The following PSD3 variants were observed in gnomAD, a reference collection of about 807,000 sequenced individuals.
PSD3 encodes pleckstrin and Sec7 domain containing 3, also known as PH and SEC7 domain-containing protein 3.
In PSD3, 49 loss-of-function variants were observed where a neutral mutation model predicts 105.5. The ratio of observed to expected loss-of-function variants is 0.46; its 90% CI spans 0.37 to 0.59. The LOEUF is 0.59. Ranked by LOEUF, PSD3 falls within the 20% of genes least tolerant of loss-of-function variation. The pLI is 0.00. For missense variants in PSD3, 1,561 were observed against 1,263.8 expected (o/e 1.24, Z -3.57); for synonymous variants, 557 against 457.8 (o/e 1.22, Z -2.77).
At position 18,769,879 on chromosome 8, in the gene PSD3, A is replaced by G. The variant is rs1807347784; in HGVS notation, c.2083-4341T>C. 3.3e-5 allele frequency among the ~76,000 whole-genome samples: 5 copies of G among 152,218 alleles called. No individual in the cohort carries two copies. In the South Asian group the frequency reaches 1.0e-3, roughly 31 times the overall value. On this transcript the variant is annotated intron_variant, in intron 8 of 15. Transcript: ENST00000327040. ...ATACCAATTGTGTTTCTTCATTTAT[A>G]AATTGATGAATGTTTAGACTATTTT...
At chr8:18,623,051 T>C (rs1056678841) in intron 11 of PSD3, among the ~76,000 whole-genome samples, 5 of 152,152 alleles carry the variant, frequency 3.3e-5, no homozygotes, top group Non-Finnish European at 7.3e-5. Context: ...TCAATTTTCA[T>C]TCAAAAAATC....
At chr8:19,066,974 T>C (rs1242971296) in intron 1 of PSD3, among the ~76,000 whole-genome samples, 1 of 152,200 alleles carries the variant, frequency 6.6e-6, no homozygotes, top group Non-Finnish European at 1.5e-5. Flanking sequence ...AGTCAGATTA[T>C]AAACACCTCA....
intron 4 of PSD3, among the ~76,000 whole-genome samples, chr8:18,819,779 G>A (rs764134523): frequency 3.9e-5 from 6 of 151,912 alleles, no homozygotes; most frequent in East Asian, 1.9e-4. Context: ...GGGTTTCACC[G>A]TGTTGGCCAG....
At chr8:18,714,191 G>C (rs1802431229) in intron 9 of PSD3, among the ~76,000 whole-genome samples, 1 of 152,062 alleles carries the variant, frequency 6.6e-6, no homozygotes, top group African/African-American at 2.4e-5. Flanking sequence ...AGAAAATCTA[G>C]GCAATACCAT....
intron 2 of PSD3, among the ~76,000 whole-genome samples, chr8:18,932,393 C>A (rs530685839): frequency 1.3e-5 from 2 of 152,198 alleles, no homozygotes; most frequent in Admixed American, 1.3e-4. Flanking sequence ...CAAAAACACA[C>A]ACAAACTCTA....
chr8:18,961,758 T>A (rs1823942413), intron 1 of PSD3, among the ~76,000 whole-genome samples: 1 of 152,124 alleles, frequency 6.6e-6, no homozygotes, highest in Admixed American at 6.5e-5. Flanking sequence ...AAGATTACCA[T>A]AAAGATATTT....
chr8:18,730,096 T>C (rs1262858641), intron 9 of PSD3: 1 of 152,188 alleles, frequency 6.6e-6, no homozygotes, highest in Non-Finnish European at 1.5e-5. Flanking sequence ...TGCTCAAGTA[T>C]TGCCTCTTTC....
intron 9 of PSD3, among the ~76,000 whole-genome samples, chr8:18,707,551 A>G (rs1352045429): frequency 2.0e-5 from 3 of 152,186 alleles, no homozygotes; most frequent in East Asian, 1.9e-4. Context: ...TGATCTTATA[A>G]AAACAAAAAG....
At chr8:19,013,839 A>G (rs1423017804), upstream of PSD3, among the ~76,000 whole-genome samples, 8 of 99,284 alleles carry the variant, frequency 8.1e-5, no homozygotes, top group African/African-American at 3.0e-4. Flanking sequence ...CCGGGGGCGG[A>G]GGGCGGAGGG....
chr8:18,980,320 G>C (rs189683928), intron 1 of PSD3, among the ~76,000 whole-genome samples: 2 of 152,250 alleles, frequency 1.3e-5, no homozygotes, highest in East Asian at 1.9e-4. Flanking sequence ...GAATGTGGTG[G>C]CTTCCAGGGT....
intron 1 of PSD3, among the ~76,000 whole-genome samples, chr8:18,956,242 G>A (rs1016685096): frequency 6.6e-6 from 1 of 152,120 alleles, no homozygotes; most frequent in African/African-American, 2.4e-5. Flanking sequence ...CATGAAGGAA[G>A]GCTGAGGAGA....
intron 11 of PSD3, among the ~76,000 whole-genome samples, chr8:18,616,659 T>G (rs1190729038): frequency 7.4e-6 from 1 of 135,614 alleles, no homozygotes; most frequent in Non-Finnish European, 1.6e-5. Flanking sequence ...AGTCTCGCTC[T>G]GTCGCCCAGG....
intron 14 of PSD3, among the ~76,000 whole-genome samples, chr8:18,563,930 T>G (rs531620975): frequency 4.6e-5 from 7 of 152,230 alleles, no homozygotes; most frequent in African/African-American, 1.7e-4. Context: ...TATTCCAAAG[T>G]GGGGTGTGTG....
At chr8:18,868,787 G>A (rs758878729) in intron 3 of PSD3, among the ~76,000 whole-genome samples, 31 of 152,132 alleles carry the variant, frequency 2.0e-4, no homozygotes, top group Non-Finnish European at 4.4e-4. Context: ...CGAACATTAG[G>A]ATAACTAAGT....
At chr8:18,594,150 A>C (rs376320674) in intron 12 of PSD3, among the ~76,000 whole-genome samples, 3 of 39,684 alleles carry the variant, frequency 7.6e-5, no homozygotes, top group East Asian at 5.8e-4. Flanking sequence ...ATATTATATA[A>C]TATATATTAT....
At chr8:19,070,390 C>T (rs1423994233) in intron 1 of PSD3, among the ~76,000 whole-genome samples, 1 of 139,838 alleles carries the variant, frequency 7.2e-6, no homozygotes, top group African/African-American at 2.6e-5. Flanking sequence ...AAAAAACCCA[C>T]AAAAATAAAG....
At chr8:18,842,217 A>T (rs1180491294) in intron 4 of PSD3, among the ~76,000 whole-genome samples, 1 of 152,262 alleles carries the variant, frequency 6.6e-6, no homozygotes, top group Non-Finnish European at 1.5e-5. Flanking sequence ...CCAAAGCCAC[A>T]GCTACTCTAT....
At chr8:18,822,446 G>A (rs562476646) in intron 4 of PSD3, among the ~76,000 whole-genome samples, 1 of 152,164 alleles carries the variant, frequency 6.6e-6, no homozygotes, top group East Asian at 1.9e-4. Context: ...CCCCTAAGCT[G>A]GACAAACATA....
chr8:18,594,646 T>G (rs2465884), intron 12 of PSD3, among the ~76,000 whole-genome samples: 87,212 of 150,208 alleles, frequency 0.58, 25,467 homozygotes, highest in South Asian at 0.73. Flanking sequence ...GGACTTGGTA[T>G]CCGTGGGAGA....
Sources: gnomAD v4.1 joint callset for allele counts (sites outside exome capture counted in the v4.1 genomes callset) on GRCh38, gnomAD v4.1.1 for gene constraint, MANE v1.5 for transcripts, NCBI Gene and HGNC (gene_info 2026-07-23, HGNC 2026-07-21) for gene names.